Variants in PPP1R9A observed in about 807,000 individuals in gnomAD.
The protein encoded by PPP1R9A is protein phosphatase 1 regulatory subunit 9A.
In PPP1R9A, 59 loss-of-function variants were observed where a neutral mutation model predicts 141.9. The observed-to-expected ratio is 0.42, with a 90% confidence interval of 0.34 to 0.52. PPP1R9A has a LOEUF of 0.52. Ranked by LOEUF, PPP1R9A falls within the 20% of genes least tolerant of loss-of-function variation. The pLI is 0.10. For missense variants in PPP1R9A, 1,444 were observed against 1,611.9 expected, an observed-to-expected ratio of 0.90 and a Z score of 1.78; for synonymous variants, 500 against 569.7, an observed-to-expected ratio of 0.88 and a Z score of 1.74.
At chr7:95,154,084 A>G (rs549348485) in intron 4 of PPP1R9A, among the ~76,000 whole-genome samples, 2 of 149,130 alleles carry the variant, frequency 1.3e-5, no homozygotes, top group South Asian at 2.1e-4. Context: ...AGTTTTTATT[A>G]TATGTTTCCT....
At chr7:94,992,882 T>C (rs1293221604) in intron 2 of PPP1R9A, among the ~76,000 whole-genome samples, 2 of 152,134 alleles carry the variant, frequency 1.3e-5, no homozygotes, top group Non-Finnish European at 2.9e-5. Flanking sequence ...TTATTCTGAA[T>C]ATTTTGTTGA....
At chr7:95,078,340 A>G (rs1255084152) in intron 2 of PPP1R9A, among the ~76,000 whole-genome samples, 2 of 151,754 alleles carry the variant, frequency 1.3e-5, no homozygotes, top group African/African-American at 4.8e-5. Context: ...ATAGTATTCC[A>G]TGGTATATAT....
intron 2 of PPP1R9A, among the ~76,000 whole-genome samples, chr7:94,949,784 A>T (rs535644690): frequency 1.3e-3 from 202 of 152,014 alleles, no homozygotes; most frequent in Non-Finnish European, 2.4e-3. Flanking sequence ...TGTGATGTTG[A>T]GATAGTTTGC....
rs745882023 is a variant in PPP1R9A at position 94,911,399 on chromosome 7, A to G, written c.1286A>G (p.Glu429Gly). 6 of 1,613,608 alleles carry G rather than the reference A, an allele frequency of 3.7e-6. No homozygotes were observed. The highest frequency in any genetic ancestry group is 1.3e-5 in the African/African-American group (1 of 75,038). The change falls in exon 2 of 20, where the codon GAG becomes GGG. Residue 429 changes from glutamate to glycine, a missense_variant. Transcript: ENST00000433360. ...CAGGATGAGGAGGAAGATAGTGATGAGAACAGTTACTATCAGCCTGATATG... is the reference window on the plus strand; with the variant it reads ...CAGGATGAGGAGGAAGATAGTGATGGGAACAGTTACTATCAGCCTGATATG... ...TEQDEEEDSDENSYYQPDMEY... is the reference protein window; with the variant it reads ...TEQDEEEDSDGNSYYQPDMEY...
intron 4 of PPP1R9A, among the ~76,000 whole-genome samples, chr7:95,159,757 A>G (rs971421778): frequency 2.3e-4 from 35 of 151,672 alleles, no homozygotes; most frequent in African/African-American, 7.8e-4. Context: ...CCCCATCTCT[A>G]CTAAAAATAC....
chr7:95,153,397 AAC>A (rs1829064617), intron 4 of PPP1R9A, among the ~76,000 whole-genome samples: 2 of 152,186 alleles, frequency 1.3e-5, no homozygotes, highest in Admixed American at 1.3e-4. Flanking sequence ...AGTTCAGTCA[AAC>A]AGTTTTACTT....
At chr7:95,099,904 A>G (rs868166168) in intron 2 of PPP1R9A, among the ~76,000 whole-genome samples, 3 of 152,182 alleles carry the variant, frequency 2.0e-5, no homozygotes, top group African/African-American at 4.8e-5. Flanking sequence ...GTCAAAAGCA[A>G]GAGACTTAAT....
chr7:95,154,543 C>T (rs1466436477), intron 4 of PPP1R9A, among the ~76,000 whole-genome samples: 1 of 152,062 alleles, frequency 6.6e-6, no homozygotes, highest in Non-Finnish European at 1.5e-5. Flanking sequence ...CCCTAAATTA[C>T]TAGTACATTT....
At chr7:95,105,693 T>C (rs1187400495) in intron 2 of PPP1R9A, among the ~76,000 whole-genome samples, 1 of 152,190 alleles carries the variant, frequency 6.6e-6, no homozygotes, top group Admixed American at 6.5e-5. Flanking sequence ...AATTATCCAT[T>C]TTTTTGTAGA....
intron 18 of PPP1R9A, among the ~76,000 whole-genome samples, chr7:95,287,313 T>C (rs1185619008): frequency 3.9e-5 from 6 of 152,208 alleles, no homozygotes; most frequent in African/African-American, 1.4e-4. Context: ...TTAAAAGATG[T>C]TCCTAACTTA....
chr7:95,022,807 A>G (rs566291164), intron 2 of PPP1R9A, among the ~76,000 whole-genome samples: 2 of 152,116 alleles, frequency 1.3e-5, no homozygotes, highest in African/African-American at 4.8e-5. Flanking sequence ...GTTGAACCAG[A>G]CTTGCATCTC....
At chr7:95,225,596 G>T (rs1795028430) in intron 7 of PPP1R9A, among the ~76,000 whole-genome samples, 1 of 152,086 alleles carries the variant, frequency 6.6e-6, no homozygotes, top group Non-Finnish European at 1.5e-5. Flanking sequence ...ATTGCTCTCA[G>T]TATTGGGTGG....
rs192165035 is a variant in PPP1R9A at position 95,195,538 on chromosome 7, G to A, written c.1755-2811G>A. On this transcript the variant is annotated intron_variant, in intron 5 of 19. Coordinates refer to ENST00000433360, the MANE Select transcript of PPP1R9A (RefSeq NM_001166160.2). ...AACATTCTTCCCACCTTGGCCTCCC[G>A]AAGTGCTGGGGTTACAGGCATGAGC... Among the ~76,000 whole-genome samples the A allele has an allele frequency of 4.7e-3, 704 of 150,574 alleles. 3 individuals carry two copies. Among genetic ancestry groups the A allele is most frequent in the Middle Eastern group, 0.014 (4 of 290 alleles).
intron 4 of PPP1R9A, among the ~76,000 whole-genome samples, chr7:95,151,584 T>G (rs1276018702): frequency 6.6e-6 from 1 of 152,088 alleles, no homozygotes; most frequent in Middle Eastern, 3.2e-3. Context: ...ACCCGTAGAA[T>G]GTGCAATACC....
chr7:94,930,592 G>A (rs1235975354), intron 2 of PPP1R9A, among the ~76,000 whole-genome samples: 2 of 152,006 alleles, frequency 1.3e-5, no homozygotes, highest in African/African-American at 4.8e-5. Flanking sequence ...TGCCCGCCTC[G>A]GCCTCCTAAA....
chr7:95,069,134 G>C (rs920787052), intron 2 of PPP1R9A, among the ~76,000 whole-genome samples: 2 of 152,164 alleles, frequency 1.3e-5, no homozygotes, highest in African/African-American at 4.8e-5. Context: ...GCCTGTACAT[G>C]CTCAGTACAA....
chr7:95,150,560 C>G (rs769198417), intron 4 of PPP1R9A, among the ~76,000 whole-genome samples: 16 of 152,154 alleles, frequency 1.1e-4, no homozygotes, highest in Non-Finnish European at 2.2e-4. Flanking sequence ...GTCTGAGCCC[C>G]CAAAGTGCTG....
In PPP1R9A at chr7:94,911,275, A is replaced by G. The variant is rs533941663; in HGVS notation, c.1162A>G (p.Asn388Asp). The change falls in exon 2 of 20, where the codon AAT becomes GAT. Residue 388 changes from asparagine to aspartate, a missense_variant. Asn to Asp is a conservative substitution (Grantham distance 23, BLOSUM62 1). Coordinates refer to ENST00000433360, the MANE Select transcript of PPP1R9A (RefSeq NM_001166160.2). ...SCGKEVPEDS[N>D]NFDGSHVYMH... is the part of the protein sequence containing the mutation. The stretch of plus-strand genomic sequence containing the variant: ...TGGAAAAGAAGTACCTGAAGATTCA[A>G]ATAATTTTGATGGTTCCCATGTGTA... 3.2e-5 allele frequency: 51 copies of G among 1,614,140 alleles called. No individual in the cohort carries two copies. The highest frequency in any genetic ancestry group is 2.3e-4 in the Admixed American group (14 of 60,022).
intron 2 of PPP1R9A, among the ~76,000 whole-genome samples, chr7:94,912,685 GAAAT>G (rs1393347024): frequency 6.6e-6 from 1 of 152,060 alleles, no homozygotes; most frequent in Non-Finnish European, 1.5e-5. Flanking sequence ...ATACTATTCT[GAAAT>G]AAAGTAATAA....
Sources: allele counts gnomAD v4.1 joint callset (sites outside exome capture counted in the v4.1 genomes callset), GRCh38; gene constraint gnomAD v4.1.1; transcripts MANE v1.5; gene names NCBI Gene and HGNC (gene_info 2026-07-23, HGNC 2026-07-21).